Variants in VWDE observed in about 807,000 individuals in gnomAD.
VWDE encodes von Willebrand factor D and EGF domains.
Under a neutral mutation model 178.4 loss-of-function variants are expected in VWDE, and 207 were observed. That is an observed-to-expected ratio of 1.16 (90% CI 1.04 to 1.30). The LOEUF (loss-of-function observed/expected upper bound fraction) is 1.30, where lower values mean the gene tolerates loss of function less well. Among genes scored for constraint, VWDE ranks in the 50% most tolerant of loss-of-function variants. VWDE has a pLI of 0.00. For missense variants in VWDE, 2,287 were observed against 1,901.3 expected (o/e 1.20, Z -3.77); for synonymous variants, 738 against 651.4 (o/e 1.13, Z -2.02).
At chr7:12,346,797 C>A (rs1583283943) in intron 19 of VWDE, among the ~76,000 whole-genome samples, 2 of 152,032 alleles carry the variant, frequency 1.3e-5, no homozygotes, top group East Asian at 3.9e-4. Flanking sequence ...TTTGATTTTG[C>A]ACTGTCTTCA....
intron 1 of VWDE, among the ~76,000 whole-genome samples, chr7:12,399,250 G>T (rs1486425389): frequency 6.6e-6 from 1 of 152,044 alleles, no homozygotes; most frequent in East Asian, 1.9e-4. Flanking sequence ...TATTCTACAA[G>T]CAGCAACCAA....
chr7:12,402,004 C>T (rs534322625), intron 1 of VWDE, among the ~76,000 whole-genome samples: 3 of 152,116 alleles, frequency 2.0e-5, no homozygotes, highest in African/African-American at 7.2e-5. Context: ...GATGAATGAA[C>T]CTTGATAATA....
rs1282878239 is a variant in VWDE at position 12,375,147 on chromosome 7, T to G, written c.1105A>C (p.Thr369Pro). ...TAGTACACAAAAGTGTGGCTACAGG[T>G]TCCATTAGCACAGGAAGATGTCTGG... ...LLQTSSCANGTCSHTFVYYTA... is the reference protein window; with the variant it reads ...LLQTSSCANGPCSHTFVYYTA... The change falls in exon 8 of 29, where the codon ACC becomes CCC. Residue 369 changes from threonine (T) to proline (P), a missense_variant. Thr to Pro is a conservative substitution (Grantham distance 38). Transcript: ENST00000275358. The G allele has an allele frequency of 6.4e-7, 1 of 1,551,216 alleles. No individual in the cohort carries two copies. Among genetic ancestry groups the G allele is most frequent in the South Asian group, 1.2e-5 (1 of 84,054 alleles).
chr7:12,377,999 T>A, intron 6 of VWDE, 79 bp from the exon 7 acceptor site: 1 of 1,054,062 alleles, frequency 9.5e-7, no homozygotes, highest in Non-Finnish European at 1.3e-6. Context: ...GGGCATTTTC[T>A]CAACAGCACA....
chr7:12,402,450 T>C (rs1784947305), intron 1 of VWDE, among the ~76,000 whole-genome samples: 1 of 152,324 alleles, frequency 6.6e-6, no homozygotes, highest in South Asian at 2.1e-4. Context: ...ACCAATGTTA[T>C]GAACTTAAAA....
chr7:12,357,849 C>G (rs1782346341), intron 16 of VWDE, among the ~76,000 whole-genome samples: 1 of 150,922 alleles, frequency 6.6e-6, no homozygotes, highest in African/African-American at 2.4e-5. Flanking sequence ...CCTCACTACT[C>G]TCTCTCTCTC....
rs766614828 is a variant in VWDE at position 12,379,473 on chromosome 7, G to GT, written c.879+3dup. 2.2e-5 allele frequency: 34 copies of GT among 1,544,028 alleles called. No individual in the cohort carries two copies. The highest frequency in any genetic ancestry group is 3.0e-5 in the Non-Finnish European group (34 of 1,141,914). ...CTTTCTGATGCATCCCCACTGCTGC[G>GT]TACCTTAAAGCCTGCAAAAAATTCT... On this transcript the variant is annotated splice_donor_region_variant and intron_variant, in intron 6 of 28. Coordinates refer to ENST00000275358, the MANE Select transcript of VWDE (RefSeq NM_001135924.3).
intron 1 of VWDE, among the ~76,000 whole-genome samples, chr7:12,395,586 A>C (rs1010422697): frequency 1.1e-4 from 17 of 152,216 alleles, no homozygotes; most frequent in Non-Finnish European, 1.8e-4. Flanking sequence ...GAATTGTGTA[A>C]TATTTAACTC....
chr7:12,370,196 G>A lies in VWDE; in HGVS notation c.2110C>T (p.Leu704=). 10 of 1,551,148 alleles carry A rather than the reference G, an allele frequency of 6.4e-6. No individual in the cohort carries two copies. The highest frequency in any genetic ancestry group is 8.7e-6 in the Non-Finnish European group (10 of 1,146,848). The change falls in exon 12 of 29, where the codon CTG becomes TTG. Residue 704 remains leucine, a synonymous_variant. Transcript: ENST00000275358. ...TGTACATTTAAGCCGAGTTTAGTCAGGTTTATGTGTTTTTTTTCTTGCAGA... is the reference window on the plus strand; with the variant it reads ...TGTACATTTAAGCCGAGTTTAGTCAAGTTTATGTGTTTTTTTTCTTGCAGA... ...LFLQEKKHIN[L]TKLGLNVQKH...
In VWDE at chr7:12,375,110, G is replaced by A. The variant is rs576856453; in HGVS notation, c.1142C>T (p.Thr381Ile). Reference protein sequence around the residue: ...SHTFVYYTAVTDFSRDGDRVS... With the variant: ...SHTFVYYTAVIDFSRDGDRVS... The stretch of plus-strand genomic sequence containing the variant: ...TCTATCTCCATCTCGAGAAAAATCT[G>A]TGACAGCAGTGTAGTACACAAAAGT... The change falls in exon 8 of 29, where the codon ACA (threonine) becomes ATA (isoleucine). Residue 381 changes from threonine to isoleucine, a missense_variant. By Grantham distance (89) the Thr-to-Ile change is moderately conservative. Transcript: ENST00000275358. 7.7e-6 allele frequency: 12 copies of A among 1,551,178 alleles called. No homozygotes were observed. In the African/African-American group the frequency reaches 1.1e-4, roughly 14 times the overall value.
At chr7:12,403,098 C>T (rs1467969139) in intron 1 of VWDE, among the ~76,000 whole-genome samples, 1 of 152,272 alleles carries the variant, frequency 6.6e-6, no homozygotes, top group East Asian at 1.9e-4. Context: ...GGAGTATTCG[C>T]TCCACAGAGA....
At chr7:12,353,651 C>G (rs926721915) in intron 18 of VWDE, among the ~76,000 whole-genome samples, 1 of 151,764 alleles carries the variant, frequency 6.6e-6, no homozygotes, top group Non-Finnish European at 1.5e-5. Flanking sequence ...ATTTTCTTAA[C>G]TCTTCTTCCC....
At position 12,335,408 on chromosome 7, in the gene VWDE, C is replaced by A. The variant is rs537051280; in HGVS notation, c.4654+733G>T. 6.6e-5 allele frequency among the ~76,000 whole-genome samples: 10 copies of A among 152,008 alleles called. No individual in the cohort carries two copies. In the East Asian group the frequency reaches 1.9e-3, roughly 29 times the overall value. ...TATACTAAAACTCTAAAAAAGCAACCGAAATTAATTCTAGATGGTGAAATT... is the reference window on the plus strand; with the variant it reads ...TATACTAAAACTCTAAAAAAGCAACAGAAATTAATTCTAGATGGTGAAATT... On this transcript the variant is annotated intron_variant, in intron 27 of 28. Coordinates refer to ENST00000275358, the MANE Select transcript of VWDE (RefSeq NM_001135924.3).
chr7:12,336,104 C>G (rs1403351162), intron 27 of VWDE, 37 bp downstream of exon 27: 20 of 1,506,750 alleles, frequency 1.3e-5, no homozygotes, highest in Non-Finnish European at 1.8e-5. Context: ...GATTCCAATT[C>G]AGAACATATA....
At chr7:12,396,992 C>T (rs775549908) in intron 1 of VWDE, among the ~76,000 whole-genome samples, 2 of 151,742 alleles carry the variant, frequency 1.3e-5, no homozygotes, top group Admixed American at 6.6e-5. Context: ...GCCATATGCC[C>T]TAAGCAATCT....
chr7:12,376,011 G>C (rs1783508399), intron 7 of VWDE, among the ~76,000 whole-genome samples: 1 of 151,926 alleles, frequency 6.6e-6, no homozygotes, highest in Non-Finnish European at 1.5e-5. Context: ...AAGGAAAAAA[G>C]TTGTTAAAAA....
In VWDE at chr7:12,377,881, C is replaced by A. The variant is rs1783628974; in HGVS notation, c.919G>T (p.Glu307Ter). Reference sequence around the variant, plus strand: ...GTGCTTTCTATCCTCAGGTAGTATTCTTTCCCATCCTCTGATATAGTGCTC... The same window carrying A: ...GTGCTTTCTATCCTCAGGTAGTATTATTTCCCATCCTCTGATATAGTGCTC... ...ELSTISEDGKEYYLRIESTVP... is the reference protein window; with the variant it reads ...ELSTISEDGK Residue 307 changes from glutamate (E) to a stop codon, truncating the protein, a stop_gained, in exon 7 of 29, where the codon GAA (glutamate) becomes TAA (stop). Transcript: ENST00000275358. LOFTEE classifies it high-confidence loss of function. 2 of 1,518,724 alleles carry A rather than the reference C, an allele frequency of 1.3e-6. No homozygotes were observed. Among genetic ancestry groups the A allele is most frequent in the African/African-American group, 2.8e-5 (2 of 71,694 alleles). The allele number at this position is 1,518,724 out of a possible 1,614,324, so 94.1% of individuals were successfully genotyped here.
chr7:12,342,182 A>G (rs747311477), intron 22 of VWDE, 28 bp from the exon 23 acceptor site: 135 of 1,541,324 alleles, frequency 8.8e-5, no homozygotes, highest in Admixed American at 9.8e-5. Flanking sequence ...AGAGAAAAGA[A>G]AGATTAGGCT....
chr7:12,331,566 A>G (rs1279884337), intron 28 of VWDE, among the ~76,000 whole-genome samples: 1 of 151,778 alleles, frequency 6.6e-6, no homozygotes, highest in Non-Finnish European at 1.5e-5. Flanking sequence ...TTCTTTCTCC[A>G]CCTCTTTCTA....
Sources: gnomAD v4.1 joint callset for allele counts (sites outside exome capture counted in the v4.1 genomes callset) on GRCh38, gnomAD v4.1.1 for gene constraint, MANE v1.5 for transcripts, NCBI Gene and HGNC (gene_info 2026-07-23, HGNC 2026-07-21) for gene names.